Variants in MYT1L observed in about 807,000 individuals in gnomAD.
The protein encoded by MYT1L is myelin transcription factor 1 like, also known as myelin transcription factor 1-like protein.
Under a neutral mutation model 126.7 loss-of-function variants are expected in MYT1L, and 12 were observed. The ratio of observed to expected loss-of-function variants is 0.09; its 90% confidence interval spans 0.06 to 0.15. MYT1L has a LOEUF of 0.15. MYT1L is among the 10% of genes least tolerant of loss of function. MYT1L has a pLI of 1.00. For missense variants in MYT1L, 979 were observed against 1,585.2 expected (o/e 0.62, Z 6.49); for synonymous variants, 541 against 604.2 (o/e 0.90, Z 1.53).
At chr2:2,216,273 T>C (rs556352857) in intron 2 of MYT1L, among the ~76,000 whole-genome samples, 10 of 152,134 alleles carry the variant, frequency 6.6e-5, no homozygotes, top group Admixed American at 1.3e-4. Context: ...GTAACACAAG[T>C]CTCAATAAAT....
At chr2:1,871,848 T>C (rs1290714151) in intron 18 of MYT1L, among the ~76,000 whole-genome samples, 4 of 152,144 alleles carry the variant, frequency 2.6e-5, no homozygotes, top group Admixed American at 6.5e-5. Context: ...AGCTCAGGAT[T>C]CAAACCAAAA....
chr2:2,006,417 T>G lies in MYT1L; in HGVS notation c.-157-9070A>C, dbSNP rs541620017. Among the ~76,000 whole-genome samples the G allele has an allele frequency of 2.6e-5, 4 of 152,264 alleles. No homozygotes were observed. In the East Asian group the frequency reaches 5.8e-4, roughly 22 times the overall value. ...TTAGTTAGCAAAGCCTCCAACACAG[T>G]ATAATTTTATTAACTTTAGTTTTCA... On this transcript the variant is annotated intron_variant, in intron 4 of 24. Transcript: ENST00000647738.
Position 2,180,914 on chromosome 2 carries a change from CTGTG to C in MYT1L, c.-420-7930_-420-7927del, listed in dbSNP as rs574806267. On this transcript the variant is annotated intron_variant, in intron 2 of 24. Coordinates refer to ENST00000647738, the MANE Select transcript of MYT1L (RefSeq NM_001303052.2). The stretch of plus-strand genomic sequence containing the variant: ...TGTACCTCTGTGCTTGTGTATGTAC[CTGTG>C]TGTGCACCTGTATCTGTACCTGCAT... Among the ~76,000 whole-genome samples, 11 of 148,664 alleles carry C rather than the reference CTGTG, an allele frequency of 7.4e-5. No homozygotes were observed. The South Asian group carries it at 2.4e-3, about 32-fold the overall frequency.
At chr2:2,176,117 T>C (rs2090737614) in intron 2 of MYT1L, among the ~76,000 whole-genome samples, 2 of 152,190 alleles carry the variant, frequency 1.3e-5, no homozygotes, top group Non-Finnish European at 2.9e-5. Context: ...GGAGATGAGA[T>C]TTAGGATATG....
chr2:2,165,242 C>T (rs1371827122), intron 3 of MYT1L, among the ~76,000 whole-genome samples: 1 of 152,092 alleles, frequency 6.6e-6, no homozygotes, highest in African/African-American at 2.4e-5. Flanking sequence ...TACTTTGCAA[C>T]TTTGTCCATA....
chr2:1,927,916 A>G (rs2054445512), intron 9 of MYT1L, among the ~76,000 whole-genome samples: 1 of 118,746 alleles, frequency 8.4e-6, no homozygotes, highest in African/African-American at 4.5e-5. Flanking sequence ...AATCGCAATG[A>G]TAAGGAAAAA....
rs369099302 is a variant in MYT1L, at chr2:2,163,711, C to G, written c.-304+9161G>C. ...TGAGATAGCGCCACTGCACTCCAGC[C>G]TGGGTGAAAGAGTGAGACTCCGTCT... is the stretch of plus-strand genomic sequence containing the variant. On this transcript the variant is annotated intron_variant, in intron 3 of 24. Transcript: ENST00000647738. 1.3e-3 allele frequency among the ~76,000 whole-genome samples: 189 copies of G among 150,826 alleles called. 1 individual carries two copies. Among genetic ancestry groups the G allele is most frequent in the African/African-American group, 4.3e-3 (175 of 41,128 alleles).
At chr2:1,804,539 C>T (rs1242223061) in intron 22 of MYT1L, among the ~76,000 whole-genome samples, 1 of 152,196 alleles carries the variant, frequency 6.6e-6, no homozygotes, top group Non-Finnish European at 1.5e-5. Context: ...CATCTCAGAG[C>T]CAGAAAATCC....
chr2:2,029,358 CTCACAATCA>C (rs1263881925), intron 4 of MYT1L, among the ~76,000 whole-genome samples: 1 of 152,154 alleles, frequency 6.6e-6, no homozygotes, highest in Non-Finnish European at 1.5e-5. Flanking sequence ...CTGGGGAGGC[CTCACAATCA>C]TGGCGGAAGA....
Position 2,211,803 on chromosome 2 carries a change from C to CAA in MYT1L, c.-420-38817_-420-38816dup, listed in dbSNP as rs35770675. Among the ~76,000 whole-genome samples the CAA allele has an allele frequency of 1.5e-3, 92 of 59,610 alleles. 2 individuals carry two copies. Among genetic ancestry groups the CAA allele is most frequent in the Non-Finnish European group, 2.2e-3 (64 of 29,612 alleles). The allele number at this position is 59,610 out of a possible 152,430, so 39.1% of individuals were successfully genotyped here. A position where few individuals can be genotyped will look rare whatever the true frequency, so the allele number is the denominator to read the frequency against. ...CTGGGGACAGAGAGAGACTCCATGTCAAAAAAAAAAAAAAAAAACCAAACA... is the reference window on the plus strand; with the variant it reads ...CTGGGGACAGAGAGAGACTCCATGTCAAAAAAAAAAAAAAAAAAAACCAAACA... On this transcript the variant is annotated intron_variant, in intron 2 of 24. Transcript: ENST00000647738.
chr2:1,841,026 C>G (rs1334963515), intron 19 of MYT1L, 183 bp from the exon 20 acceptor site: 2 of 537,278 alleles, frequency 3.7e-6, no homozygotes, highest in Non-Finnish European at 6.6e-6. Flanking sequence ...GCCTCAGCCT[C>G]CCAAGTAGCT....
chr2:2,209,551 T>C (rs2093431137), intron 2 of MYT1L, among the ~76,000 whole-genome samples: 2 of 152,226 alleles, frequency 1.3e-5, no homozygotes, highest in Admixed American at 1.3e-4. Flanking sequence ...CCTCCAGTTC[T>C]AACCATGTTC....
In MYT1L at chr2:1,809,316, T is replaced by G. The variant is rs372255767; in HGVS notation, c.3081-149A>C. 28 of 722,288 alleles carry G rather than the reference T, an allele frequency of 3.9e-5. No individual in the cohort carries two copies. The African/African-American group carries it at 4.3e-4, about 11-fold the overall frequency. 44.7% of individuals were successfully genotyped at this position (722,288 alleles called of 1,614,324 possible). On this transcript the variant is annotated intron_variant, in intron 21 of 24. Transcript: ENST00000647738. ...AAATGAGAAAAAGCAAAAAGACCAA[T>G]GCATACAGTATGACAGTTATGCACA...
chr2:2,200,001 C>T (rs543289943), intron 2 of MYT1L, among the ~76,000 whole-genome samples: 1 of 152,296 alleles, frequency 6.6e-6, no homozygotes, highest in East Asian at 1.9e-4. Flanking sequence ...TTCCTTCCTC[C>T]AGGTAAGCCT....
chr2:1,795,851 G>A (rs2033359485), intron 23 of MYT1L: 1 of 152,274 alleles, frequency 6.6e-6, no homozygotes. Flanking sequence ...CTGATGGCCA[G>A]TCTAGGCCCA....
intron 2 of MYT1L, among the ~76,000 whole-genome samples, chr2:2,250,749 T>C (rs1485844115): frequency 6.6e-6 from 1 of 152,074 alleles, no homozygotes. Context: ...TGCATGCCTG[T>C]ACCAAAATAT....
chr2:1,987,473 T>G (rs2149537891), intron 5 of MYT1L, among the ~76,000 whole-genome samples: 1 of 152,264 alleles, frequency 6.6e-6, no homozygotes, highest in East Asian at 1.9e-4. Flanking sequence ...GGGGCAGCGT[T>G]CCCATGGGAG....
At chr2:2,211,584 G>T (rs149091450) in intron 2 of MYT1L, among the ~76,000 whole-genome samples, 1 of 152,158 alleles carries the variant, frequency 6.6e-6, no homozygotes, top group African/African-American at 2.4e-5. Flanking sequence ...GAGGCGGGCA[G>T]ATCATGAGGT....
At chr2:2,073,206 T>C (rs1366647747) in intron 3 of MYT1L, among the ~76,000 whole-genome samples, 1 of 152,068 alleles carries the variant, frequency 6.6e-6, no homozygotes, top group Admixed American at 6.5e-5. Flanking sequence ...CATGGCAACA[T>C]TACAGATGAA....
Sources: gnomAD v4.1 joint callset for allele counts (sites outside exome capture counted in the v4.1 genomes callset) on GRCh38, gnomAD v4.1.1 for gene constraint, MANE v1.5 for transcripts, NCBI Gene and HGNC (gene_info 2026-07-23, HGNC 2026-07-21) for gene names.